DCAF5: variants seen among roughly 807,000 people sequenced by gnomAD.
The protein encoded by DCAF5 is DDB1- and CUL4-associated factor 5.
In DCAF5, 9 loss-of-function variants were observed where a neutral mutation model predicts 80.7. The observed-to-expected ratio is 0.11, with a 90% confidence interval of 0.07 to 0.19. The LOEUF (loss-of-function observed/expected upper bound fraction) is 0.19, where lower values mean the gene tolerates loss of function less well. Ranked by LOEUF, DCAF5 falls within the 10% of genes least tolerant of loss-of-function variation. The pLI is 1.00. For synonymous variants in DCAF5, 433 were observed against 461.9 expected (o/e 0.94, Z 0.80); for missense variants, 842 against 1,205.7 (o/e 0.70, Z 4.47).
At position 69,068,785 on chromosome 14, in the gene DCAF5, A is replaced by G. The variant is rs140375099; in HGVS notation, c.947-6274T>C. On this transcript the variant is annotated intron_variant, in intron 7 of 8. Coordinates refer to ENST00000341516, the MANE Select transcript of DCAF5 (RefSeq NM_003861.3). ...AAAAAAGGTATCCAAGCCTCTTAGCATTTCAAAAAGGCCCAAGTGAACAGT... is the reference window on the plus strand; with the variant it reads ...AAAAAAGGTATCCAAGCCTCTTAGCGTTTCAAAAAGGCCCAAGTGAACAGT... 2.1e-3 allele frequency among the ~76,000 whole-genome samples: 323 copies of G among 152,114 alleles called. 2 individuals carry two copies. The highest frequency in any genetic ancestry group is 3.5e-3 in the Non-Finnish European group (238 of 68,002).
intron 1 of DCAF5, among the ~76,000 whole-genome samples, chr14:69,135,149 A>T (rs1187470209): frequency 6.6e-6 from 1 of 152,146 alleles, no homozygotes; most frequent in East Asian, 1.9e-4. Context: ...CAAAGTCAAA[A>T]TTTTTTTCGC....
intron 6 of DCAF5, among the ~76,000 whole-genome samples, chr14:69,080,238 T>C (rs1447942683): frequency 2.0e-5 from 3 of 152,078 alleles, no homozygotes; most frequent in Non-Finnish European, 2.9e-5. Context: ...GAAAGGATCA[T>C]CCCCTCCTGG....
chr14:69,110,136 T>G (rs188380508), intron 5 of DCAF5, among the ~76,000 whole-genome samples: 1 of 152,192 alleles, frequency 6.6e-6, no homozygotes, highest in East Asian at 1.9e-4. Flanking sequence ...CTGTTCAACA[T>G]TTCTGCTCAT....
chr14:69,058,224 T>C (rs1169981614), intron 8 of DCAF5, among the ~76,000 whole-genome samples: 1 of 152,088 alleles, frequency 6.6e-6, no homozygotes, highest in Non-Finnish European at 1.5e-5. Flanking sequence ...TCCTGTTACA[T>C]GTTAAATGTG....
chr14:69,080,126 A>T (rs954597943), intron 6 of DCAF5, among the ~76,000 whole-genome samples: 1 of 152,098 alleles, frequency 6.6e-6, no homozygotes, highest in Non-Finnish European at 1.5e-5. Flanking sequence ...TCTTTTTTTT[A>T]AGCTTTGTGG....
chr14:69,054,248 G>T lies in DCAF5; in HGVS notation c.2438C>A (p.Pro813His), dbSNP rs1306428768. 1.2e-6 allele frequency: 2 copies of T among 1,614,248 alleles called. No individual in the cohort carries two copies. The highest frequency in any genetic ancestry group is 1.7e-4 in the Middle Eastern group (1 of 6,060). Reference protein sequence around the residue: ...STLNSGSGNCPRTQSDDSEER... With the variant: ...STLNSGSGNCHRTQSDDSEER... ...CTCACTGTCATCAGACTGGGTCCTGGGACAGTTGCCAGACCCGCTGTTGAG... is the reference window on the plus strand; with the variant it reads ...CTCACTGTCATCAGACTGGGTCCTGTGACAGTTGCCAGACCCGCTGTTGAG... The change falls in exon 9 of 9, where the codon CCC (proline) becomes CAC (histidine). Residue 813 changes from proline (P) to histidine (H), a missense_variant. Coordinates refer to ENST00000341516, the MANE Select transcript of DCAF5 (RefSeq NM_003861.3).
chr14:69,081,736 T>C (rs773809581), intron 6 of DCAF5, among the ~76,000 whole-genome samples: 2 of 148,488 alleles, frequency 1.3e-5, no homozygotes, highest in Admixed American at 1.4e-4. Context: ...TGTCAATCCA[T>C]TGACCTTTAT....
In DCAF5 at chr14:69,152,478, C is replaced by T. The variant is rs998273282; in HGVS notation, c.214+287G>A. ...TGTAGAGCGGTAACCTCGCCCCCCT[C>T]CCCGACCTACACTTTCAGGGCAGGC... On this transcript the variant is annotated intron_variant, in intron 1 of 8. Coordinates refer to ENST00000341516, the MANE Select transcript of DCAF5 (RefSeq NM_003861.3). The surrounding 1 kb of genome is among the most constrained non-coding windows in gnomAD (Gnocchi z 4.1). The T allele has an allele frequency of 3.0e-6, 1 of 329,908 alleles. No individual in the cohort carries two copies. The highest frequency in any genetic ancestry group is 5.6e-6 in the Non-Finnish European group (1 of 178,552). The allele number at this position is 329,908 out of a possible 1,614,324, so 20.4% of individuals were successfully genotyped here.
rs2139822248 is a variant in DCAF5, at chr14:69,054,929, G to A, written c.1757C>T (p.Ala586Val). The A allele has an allele frequency of 6.2e-7, 1 of 1,614,242 alleles. No individual in the cohort carries two copies. The change falls in exon 9 of 9, where the codon GCC becomes GTC. Residue 586 changes from alanine to valine, a missense_variant. Around this residue, in one of 5 missense-constraint regions of DCAF5, gnomAD observed 607 missense variants for 656.6 expected, o/e 0.92. Transcript: ENST00000341516. ...GGTTGTCTTCTGTCGGCGCCGCATG[G>A]CATTCCGCTGCCAGGTAGAGGCTCG... The part of the protein sequence containing the change: ...ERRASTWQRN[A>V]MRRRQKTTRE...
chr14:69,105,833 G>A (rs572878966), intron 5 of DCAF5, among the ~76,000 whole-genome samples: 1 of 144,842 alleles, frequency 6.9e-6, no homozygotes, highest in African/African-American at 2.5e-5. Flanking sequence ...CCACTCTACT[G>A]GCTTTTCCCA....
intron 5 of DCAF5, among the ~76,000 whole-genome samples, chr14:69,113,637 G>C (rs1410556948): frequency 1.3e-5 from 2 of 152,172 alleles, no homozygotes; most frequent in Non-Finnish European, 2.9e-5. Flanking sequence ...CTGTGCTCAA[G>C]AGACAAATTA....
chr14:69,128,432 C>T (rs77365479), intron 1 of DCAF5, among the ~76,000 whole-genome samples: 7,049 of 152,198 alleles, frequency 0.046, 325 homozygotes, highest in Admixed American at 0.13. Context: ...GTGATCTGCC[C>T]GCCTTGGCCT....
intron 5 of DCAF5, among the ~76,000 whole-genome samples, chr14:69,115,196 G>T (rs2040504185): frequency 6.6e-6 from 1 of 152,164 alleles, no homozygotes; most frequent in African/African-American, 2.4e-5. Flanking sequence ...CAGGGGTCCT[G>T]CCACTACACA....
chr14:69,095,206 G>A (rs1436908795), intron 5 of DCAF5, among the ~76,000 whole-genome samples: 1 of 152,130 alleles, frequency 6.6e-6, no homozygotes. Context: ...TTGCTTTCTA[G>A]ACACTTATCT....
intron 1 of DCAF5, among the ~76,000 whole-genome samples, chr14:69,144,412 A>C (rs1409429142): frequency 6.6e-6 from 1 of 152,044 alleles, no homozygotes; most frequent in Non-Finnish European, 1.5e-5. Flanking sequence ...CTCTACTAAA[A>C]ATACAAAAAA....
intron 5 of DCAF5, among the ~76,000 whole-genome samples, chr14:69,110,698 A>G (rs1221346568): frequency 6.6e-6 from 1 of 151,934 alleles, no homozygotes; most frequent in African/African-American, 2.4e-5. Context: ...TAACACAAAG[A>G]GACGCTTTCT....
At chr14:69,123,667 A>C (rs1449722228) in intron 1 of DCAF5, among the ~76,000 whole-genome samples, 1 of 152,134 alleles carries the variant, frequency 6.6e-6, no homozygotes, top group African/African-American at 2.4e-5. Flanking sequence ...GTACCCAATA[A>C]ACAATAACTC....
At chr14:69,062,205 T>C (rs553302531) in intron 8 of DCAF5, among the ~76,000 whole-genome samples, 179 bp downstream of exon 8, 4 of 152,256 alleles carry the variant, frequency 2.6e-5, no homozygotes, top group Admixed American at 2.6e-4. Flanking sequence ...GTACTGTCAC[T>C]ATGCCTGGCA....
At chr14:69,086,875 A>G (rs1322781280) in intron 6 of DCAF5, among the ~76,000 whole-genome samples, 3 of 152,168 alleles carry the variant, frequency 2.0e-5, no homozygotes, top group Admixed American at 6.5e-5. Context: ...CTTGCCATCT[A>G]TCAAGTTCAA....
Sources: allele counts gnomAD v4.1 joint callset (sites outside exome capture counted in the v4.1 genomes callset), GRCh38; gene constraint gnomAD v4.1.1; regional missense constraint gnomAD v4.1.1; non-coding constraint Gnocchi (gnomAD v3.1); transcripts MANE v1.5; gene names NCBI Gene and HGNC (gene_info 2026-07-23, HGNC 2026-07-21).